Variants in DCDC1 observed in about 807,000 individuals in gnomAD.
DCDC1 encodes doublecortin domain containing 1.
Under a neutral mutation model 178.3 loss-of-function variants are expected in DCDC1, and 200 were observed. The ratio of observed to expected loss-of-function variants is 1.12; its 90% CI spans 1.00 to 1.26. The LOEUF is 1.26. Ranked by LOEUF, DCDC1 falls within the 50% of genes most tolerant of loss-of-function variation. DCDC1 has a pLI of 0.00. For missense variants in DCDC1, 1,983 were observed against 1,749.2 expected (o/e 1.13, Z -2.38); for synonymous variants, 690 against 604.8 (o/e 1.14, Z -2.07).
Position 30,898,048 on chromosome 11 carries a change from G to A in DCDC1, c.4765+1493C>T, listed in dbSNP as rs536443208. 2.2e-4 allele frequency among the ~76,000 whole-genome samples: 33 copies of A among 152,254 alleles called. No homozygotes were observed. The South Asian group carries it at 6.0e-3, about 28-fold the overall frequency. ...TAGAGGGAACTAAAATGTGCCGAAA[G>A]CTCAGAGTTAAGAAAGCGCATGGTA... On this transcript the variant is annotated intron_variant, in intron 34 of 38. Transcript: ENST00000684477.
intron 9 of DCDC1, among the ~76,000 whole-genome samples, chr11:31,237,275 A>T (rs1350961418): frequency 6.6e-6 from 1 of 151,910 alleles, no homozygotes; most frequent in Non-Finnish European, 1.5e-5. Flanking sequence ...ATACATTTCA[A>T]TTTTAAACTG....
chr11:31,237,437 A>C (rs1053775245), intron 9 of DCDC1, among the ~76,000 whole-genome samples: 1 of 151,968 alleles, frequency 6.6e-6, no homozygotes, highest in African/African-American at 2.4e-5. Context: ...CAATATGCCA[A>C]ATATAGAACT....
rs892457137 is a variant in DCDC1, at chr11:31,268,898, CATA to C, written c.961-3301_961-3299del. Among the ~76,000 whole-genome samples the C allele has an allele frequency of 2.6e-5, 4 of 152,106 alleles. No homozygotes were observed. In the East Asian group the frequency reaches 7.7e-4, roughly 29 times the overall value. On this transcript the variant is annotated intron_variant, in intron 7 of 38. Coordinates refer to ENST00000684477, the MANE Select transcript of DCDC1 (RefSeq NM_001387274.1). ...ATATCTGTTGTCTTTTTGACTTTTT[CATA>C]ATAGACATTCTGACTGGTTACAACA...
chr11:31,099,459 T>C (rs1958360314), intron 15 of DCDC1, among the ~76,000 whole-genome samples: 1 of 152,118 alleles, frequency 6.6e-6, no homozygotes. Context: ...GATCCTAACA[T>C]CCCCAATAGA....
At chr11:30,912,440 C>A (rs760665612) in intron 27 of DCDC1, among the ~76,000 whole-genome samples, 1 of 152,242 alleles carries the variant, frequency 6.6e-6, no homozygotes, top group Admixed American at 6.5e-5. Context: ...TGTGCCACTA[C>A]GCCCAGCTAA....
intron 1 of DCDC1, among the ~76,000 whole-genome samples, chr11:31,364,658 C>T (rs1951872214): frequency 6.6e-6 from 1 of 152,178 alleles, no homozygotes; most frequent in Admixed American, 6.5e-5. Flanking sequence ...TAGTGTACTG[C>T]CTTGCACAAA....
At chr11:30,947,458 G>A (rs1220358178) in intron 21 of DCDC1, among the ~76,000 whole-genome samples, 1 of 152,026 alleles carries the variant, frequency 6.6e-6, no homozygotes, top group Non-Finnish European at 1.5e-5. Flanking sequence ...ACATACCATG[G>A]GAAAAGGACA....
chr11:31,207,478 T>C (rs946305663), intron 9 of DCDC1, among the ~76,000 whole-genome samples: 1 of 152,198 alleles, frequency 6.6e-6, no homozygotes, highest in African/African-American at 2.4e-5. Context: ...GGTAACCAAA[T>C]GAGAACTATA....
intron 3 of DCDC1, among the ~76,000 whole-genome samples, chr11:31,309,951 A>T (rs192110037): frequency 6.6e-6 from 1 of 152,114 alleles, no homozygotes; most frequent in African/African-American, 2.4e-5. Context: ...TCTTCTACCT[A>T]GTTATGCATG....
intron 8 of DCDC1, among the ~76,000 whole-genome samples, chr11:31,251,492 GTAAC>G (rs1458163056): frequency 6.6e-6 from 1 of 151,876 alleles, no homozygotes; most frequent in East Asian, 1.9e-4. Context: ...AACTTGGACT[GTAAC>G]TAACTATGCA....
intron 22 of DCDC1, among the ~76,000 whole-genome samples, chr11:30,927,047 T>G (rs867624383): frequency 6.6e-6 from 1 of 152,242 alleles, no homozygotes; most frequent in South Asian, 2.1e-4. Context: ...CTACACTCTT[T>G]CAGTTCTTTC....
In DCDC1 at chr11:31,307,723, T is replaced by C; in HGVS notation, c.350A>G (p.Tyr117Cys). The change falls in exon 4 of 39, where the codon TAC (tyrosine) becomes TGC (cysteine). Residue 117 changes from tyrosine (Y) to cysteine (C), a missense_variant. Physicochemically the swap from Tyr to Cys is radical, Grantham distance 194 (BLOSUM62 -2). Transcript: ENST00000684477. ...AGAATTGTTTTTACTGTTTGATTTG[T>C]AGCTATCTAGGTCTGATATTTCATC... The part of the protein sequence containing the change: ...SHDEISDLDS[Y>C]KSNSKNNSCS... 6 of 1,614,132 alleles carry C rather than the reference T, an allele frequency of 3.7e-6. No homozygotes were observed. Among genetic ancestry groups the C allele is most frequent in the Non-Finnish European group, 5.1e-6 (6 of 1,179,982 alleles).
intron 20 of DCDC1, among the ~76,000 whole-genome samples, chr11:31,063,104 T>C (rs576361505): frequency 6.6e-6 from 1 of 152,044 alleles, no homozygotes; most frequent in East Asian, 1.9e-4. Context: ...CAAAAAATGC[T>C]CATCATCAGT....
intron 9 of DCDC1, among the ~76,000 whole-genome samples, chr11:31,169,414 G>T (rs887684731): frequency 6.6e-6 from 1 of 152,178 alleles, no homozygotes; most frequent in African/African-American, 2.4e-5. Context: ...TGGGGATATA[G>T]ATTCAGATTA....
intron 7 of DCDC1, among the ~76,000 whole-genome samples, chr11:31,278,432 T>A (rs1408527228): frequency 6.6e-6 from 1 of 152,136 alleles, no homozygotes; most frequent in East Asian, 1.9e-4. Flanking sequence ...AAATACCACA[T>A]GATTTCACTT....
intron 20 of DCDC1, among the ~76,000 whole-genome samples, chr11:31,064,012 C>G (rs112511053): frequency 6.6e-6 from 1 of 151,984 alleles, no homozygotes; most frequent in Non-Finnish European, 1.5e-5. Context: ...TATTTTTATT[C>G]TAGGAAGGGA....
At chr11:30,897,314 C>T (rs899401534) in intron 34 of DCDC1, among the ~76,000 whole-genome samples, 2 of 152,014 alleles carry the variant, frequency 1.3e-5, no homozygotes, top group Admixed American at 6.6e-5. Context: ...CTTGGCCGGA[C>T]GCAGTGGCTC....
intron 34 of DCDC1, among the ~76,000 whole-genome samples, chr11:30,898,518 G>A (rs1944406009): frequency 6.6e-6 from 1 of 152,104 alleles, no homozygotes; most frequent in Non-Finnish European, 1.5e-5. Context: ...ATGACTTCCA[G>A]GTTTTTGAGG....
chr11:31,064,102 A>G (rs1332588299), intron 20 of DCDC1, among the ~76,000 whole-genome samples: 1 of 152,134 alleles, frequency 6.6e-6, no homozygotes, highest in Middle Eastern at 3.2e-3. Flanking sequence ...ATTCTCATGG[A>G]AAATAAAAAG....
Sources: gnomAD v4.1 joint callset for allele counts (sites outside exome capture counted in the v4.1 genomes callset) on GRCh38, gnomAD v4.1.1 for gene constraint, MANE v1.5 for transcripts, NCBI Gene and HGNC (gene_info 2026-07-23, HGNC 2026-07-21) for gene names.